CLTCL1: variants seen among roughly 807,000 people sequenced by gnomAD.
CLTCL1 encodes the protein clathrin heavy chain like 1.
CLTCL1 carries 159 observed loss-of-function variants against 190.0 expected under a neutral mutation model. That is an observed-to-expected ratio of 0.84 (90% CI 0.74 to 0.95). The LOEUF is 0.95. Ranked by LOEUF, CLTCL1 falls within the 40% of genes least tolerant of loss-of-function variation. CLTCL1 has a pLI of 0.00. For missense variants in CLTCL1, 1,878 were observed against 2,033.4 expected, an observed-to-expected ratio of 0.92 and a Z score of 1.47; for synonymous variants, 752 against 769.6, an observed-to-expected ratio of 0.98 and a Z score of 0.38.
At chr22:19,269,592 C>T (rs1442897806) in intron 2 of CLTCL1, among the ~76,000 whole-genome samples, 5 of 152,158 alleles carry the variant, frequency 3.3e-5, no homozygotes, top group African/African-American at 1.2e-4. Flanking sequence ...CCACGGAATA[C>T]TATGCAGCCA....
rs190351859 is a variant in CLTCL1 at position 19,208,261 on chromosome 22, G to A, written c.3493C>T (p.Arg1165Cys). The A allele has an allele frequency of 2.2e-3, 3,499 of 1,613,704 alleles. 83 individuals carry two copies. The Admixed American group carries it at 0.046, about 21-fold the overall frequency. ...KFLQMARKKG[R>C]ESYIETELIF... Reference sequence around the variant, plus strand: ...AGTTCAGTCTCTATATAGGACTCACGGCCCTTTTTCCTGGCCATCTGCAGA... The same window carrying A: ...AGTTCAGTCTCTATATAGGACTCACAGCCCTTTTTCCTGGCCATCTGCAGA... Residue 1165 changes from arginine (R) to cysteine (C), a missense_variant, in exon 22 of 33, where the codon CGT becomes TGT. Coordinates refer to ENST00000427926, the MANE Select transcript of CLTCL1 (RefSeq NM_007098.4).
In CLTCL1 at chr22:19,235,543, A is replaced by AT. The variant is rs1555961526; in HGVS notation, c.969+152_969+153insA. Among the ~76,000 whole-genome samples, 4 of 152,220 alleles carry AT rather than the reference A, an allele frequency of 2.6e-5. No homozygotes were observed. In the East Asian group the frequency reaches 7.7e-4, roughly 29 times the overall value. On this transcript the variant is annotated intron_variant, in intron 6 of 32. Coordinates refer to ENST00000427926, the MANE Select transcript of CLTCL1 (RefSeq NM_007098.4). ...GGAATGGTGCTGTCTGAAGAGAGGA[A>AT]GTGTCAATATGAAGGAGGAGACATG...
chr22:19,210,181 G>T, intron 20 of CLTCL1, 145 bp downstream of exon 20: 1 of 695,928 alleles, frequency 1.4e-6, no homozygotes, highest in Non-Finnish European at 2.3e-6. Context: ...AAGATGGGTT[G>T]CTGGTGAGGA....
At chr22:19,185,158 G>A (rs1236912796) in intron 29 of CLTCL1, among the ~76,000 whole-genome samples, 1 of 152,160 alleles carries the variant, frequency 6.6e-6, no homozygotes, top group African/African-American at 2.4e-5. Flanking sequence ...TGCTGACCTT[G>A]GGAGGTCTGG....
In CLTCL1 at chr22:19,180,331, C is replaced by G. The variant is rs1414283017; in HGVS notation, c.4904-93G>C. On this transcript the variant is annotated intron_variant, in intron 31 of 32. Transcript: ENST00000427926. Reference sequence around the variant, plus strand: ...GTGCTGCACACTCACACCACACCCTCAGGCCTGTGTTTGCCCCACAGTGTC... The same window carrying G: ...GTGCTGCACACTCACACCACACCCTGAGGCCTGTGTTTGCCCCACAGTGTC... The G allele has an allele frequency of 2.2e-6, 3 of 1,354,784 alleles. No homozygotes were observed. In the Admixed American group the frequency reaches 5.3e-5, roughly 24 times the overall value. The allele number at this position is 1,354,784 out of a possible 1,614,324, so 83.9% of individuals were successfully genotyped here.
At chr22:19,284,614 C>T (rs1601744704) in intron 1 of CLTCL1, among the ~76,000 whole-genome samples, 1 of 152,038 alleles carries the variant, frequency 6.6e-6, no homozygotes, top group East Asian at 1.9e-4. Flanking sequence ...GAGCCAAGAC[C>T]ACGCCATTGC....
intron 22 of CLTCL1, chr22:19,207,526 G>A: frequency 2.5e-6 from 1 of 401,582 alleles, no homozygotes; most frequent in Admixed American, 4.3e-5. Context: ...ACTTCCTCGT[G>A]TGGCTTGCTT....
intron 5 of CLTCL1, among the ~76,000 whole-genome samples, chr22:19,237,010 G>T (rs1486950200): frequency 6.6e-6 from 1 of 152,086 alleles, no homozygotes; most frequent in Non-Finnish European, 1.5e-5. Flanking sequence ...ATAGGTAAAT[G>T]TTGTGATCAT....
intron 3 of CLTCL1, among the ~76,000 whole-genome samples, chr22:19,246,655 TA>T (rs2086430540): frequency 6.6e-6 from 1 of 152,164 alleles, no homozygotes; most frequent in African/African-American, 2.4e-5. Context: ...TTTGTATTTT[TA>T]CTAGAGATGG....
chr22:19,256,496 A>G (rs536631190), intron 2 of CLTCL1, among the ~76,000 whole-genome samples: 76 of 151,278 alleles, frequency 5.0e-4, no homozygotes, highest in Non-Finnish European at 7.4e-4. Context: ...ATCAGGGATT[A>G]CAGGCACATG....
chr22:19,219,157 T>TTTTATTTATTTATTTA (rs201050834), intron 18 of CLTCL1, among the ~76,000 whole-genome samples: 2 of 148,854 alleles, frequency 1.3e-5, no homozygotes, highest in African/African-American at 2.5e-5. Flanking sequence ...GACTAAGATG[T>TTTTATTTATTTATTTA]TTTATTTATT....
chr22:19,270,762 T>C (rs1569245177), intron 2 of CLTCL1, among the ~76,000 whole-genome samples: 1 of 148,252 alleles, frequency 6.7e-6, no homozygotes, highest in Non-Finnish European at 1.5e-5. Context: ...GTGAATGTTA[T>C]GGTATGTAAA....
rs1555963896 is a variant in CLTCL1, at chr22:19,239,263, G to A, written c.795+12C>T. 6 of 1,583,194 alleles carry A rather than the reference G, an allele frequency of 3.8e-6. No homozygotes were observed. The highest frequency in any genetic ancestry group is 8.7e-7 in the Non-Finnish European group (1 of 1,151,818). ...AGGACATGAAGATGTTTAGAGAGCAGCACATTCGTACCTGCATAGCCACTG... is the reference window on the plus strand; with the variant it reads ...AGGACATGAAGATGTTTAGAGAGCAACACATTCGTACCTGCATAGCCACTG... On this transcript the variant is annotated intron_variant, in intron 5 of 32. Coordinates refer to ENST00000427926, the MANE Select transcript of CLTCL1 (RefSeq NM_007098.4).
chr22:19,279,708 G>A (rs1046230016), intron 1 of CLTCL1, among the ~76,000 whole-genome samples: 3 of 152,168 alleles, frequency 2.0e-5, no homozygotes, highest in Non-Finnish European at 4.4e-5. Context: ...CCTACCCCAA[G>A]CCTTTTATCT....
At chr22:19,253,380 C>T (rs946640703) in intron 3 of CLTCL1, among the ~76,000 whole-genome samples, 1 of 152,176 alleles carries the variant, frequency 6.6e-6, no homozygotes, top group Non-Finnish European at 1.5e-5. Context: ...CAGCTGTGCA[C>T]ATCGGGGCCC....
At chr22:19,211,291 C>T (rs2085211949) in intron 19 of CLTCL1, among the ~76,000 whole-genome samples, 2 of 152,192 alleles carry the variant, frequency 1.3e-5, no homozygotes, top group African/African-American at 4.8e-5. Flanking sequence ...AAAAAGCCCA[C>T]TGTTAACATC....
At chr22:19,188,179 T>A in intron 27 of CLTCL1, 88 bp from the exon 28 acceptor site, 3 of 1,157,850 alleles carry the variant, frequency 2.6e-6, no homozygotes, top group Admixed American at 3.5e-5. Flanking sequence ...GTGCGTGCCA[T>A]CCACTTGAAT....
At chr22:19,238,521 A>G (rs2086152033) in intron 5 of CLTCL1, 1 of 216,812 alleles carries the variant, frequency 4.6e-6, no homozygotes, top group Non-Finnish European at 1.0e-5. Context: ...TGTCACGAAC[A>G]CACTTAGCAC....
At chr22:19,253,834 G>A (rs1191144038) in intron 3 of CLTCL1, 125 bp downstream of exon 3, 5 of 1,160,370 alleles carry the variant, frequency 4.3e-6, no homozygotes, top group Middle Eastern at 2.7e-4. Context: ...CCAAAGTGCT[G>A]GGATTACAGG....
Sources: gnomAD v4.1 joint callset for allele counts (sites outside exome capture counted in the v4.1 genomes callset) on GRCh38, gnomAD v4.1.1 for gene constraint, MANE v1.5 for transcripts, NCBI Gene and HGNC (gene_info 2026-07-23, HGNC 2026-07-21) for gene names.